PXDN: variants seen among roughly 807,000 people sequenced by gnomAD.
The protein encoded by PXDN is peroxidasin.
A neutral mutation model predicts 140.3 loss-of-function variants in PXDN; 77 were observed. The observed-to-expected ratio is 0.55, with a 90% confidence interval of 0.46 to 0.66. The LOEUF (loss-of-function observed/expected upper bound fraction) is 0.66. PXDN is among the 30% of genes least tolerant of loss of function. The pLI, the probability that PXDN is intolerant of heterozygous loss-of-function variation, is 0.00. For missense variants in PXDN, 1,838 were observed against 2,039.5 expected (o/e 0.90, Z 1.90); for synonymous variants, 911 against 857.4 (o/e 1.06, Z -1.09).
chr2:1,659,851 C>T (rs575284651), intron 14 of PXDN, among the ~76,000 whole-genome samples: 75 of 152,290 alleles, frequency 4.9e-4, no homozygotes, highest in African/African-American at 1.6e-3. Context: ...ACATTTATGT[C>T]TGCCATGTTC....
chr2:1,713,920 G>A (rs1307705672), intron 1 of PXDN, among the ~76,000 whole-genome samples: 1 of 152,200 alleles, frequency 6.6e-6, no homozygotes, highest in African/African-American at 2.4e-5. Context: ...AGGCAGGAAG[G>A]AGCTCCCAGA....
At chr2:1,713,094 A>T (rs996374883) in intron 1 of PXDN, among the ~76,000 whole-genome samples, 1 of 152,124 alleles carries the variant, frequency 6.6e-6, no homozygotes, top group African/African-American at 2.4e-5. Context: ...TGAATGAGTC[A>T]CACAGGTGGC....
At chr2:1,731,771 CA>C (rs778574385) in intron 1 of PXDN, among the ~76,000 whole-genome samples, 9 of 152,150 alleles carry the variant, frequency 5.9e-5, no homozygotes, top group Non-Finnish European at 1.3e-4. Flanking sequence ...AGAACATTTG[CA>C]CGGGGTTTTG....
chr2:1,709,257 G>A, intron 1 of PXDN, among the ~76,000 whole-genome samples: 1 of 152,218 alleles, frequency 6.6e-6, no homozygotes, highest in Non-Finnish European at 1.5e-5. Context: ...GCACCAGCAG[G>A]TGACCACGGC....
At chr2:1,657,085 G>A (rs990212200) in intron 14 of PXDN, among the ~76,000 whole-genome samples, 6 of 149,246 alleles carry the variant, frequency 4.0e-5, no homozygotes, top group South Asian at 2.1e-4. Flanking sequence ...TCCTGGCTGG[G>A]ACCTGCCCCC....
rs1465861257 is a variant in PXDN, at chr2:1,638,754, T to C, written c.4206+92A>G. The C allele has an allele frequency of 1.8e-5, 28 of 1,570,130 alleles. No homozygotes were observed. The East Asian group carries it at 6.1e-4, about 34-fold the overall frequency. On this transcript the variant is annotated intron_variant, in intron 21 of 22. Transcript: ENST00000252804. ...CTGTGTGGGCAGTTGAACAGTTGCC[T>C]GGGAATAAAATGCTATACCCAGAAG...
At chr2:1,656,541 C>T (rs1683137272) in intron 14 of PXDN, among the ~76,000 whole-genome samples, 1 of 150,746 alleles carries the variant, frequency 6.6e-6, no homozygotes, top group South Asian at 2.1e-4. Flanking sequence ...AAAGCTGCCC[C>T]CTCCTGACTG....
At chr2:1,715,890 T>C (rs1170409154) in intron 1 of PXDN, among the ~76,000 whole-genome samples, 1 of 152,078 alleles carries the variant, frequency 6.6e-6, no homozygotes, top group East Asian at 1.9e-4. Flanking sequence ...CAGCAAACAA[T>C]ACAGCCCTCA....
At position 1,633,147 on chromosome 2, in the gene PXDN, C is replaced by T. The variant is rs1682455263; in HGVS notation, c.*1057G>A. On this transcript the variant is annotated 3_prime_UTR_variant, in exon 23 of 23. Transcript: ENST00000252804. ...TAAAACATCACGCATTTTAAAAATA[C>T]AAATGAGGTATAGGGATTCTTTTTT... 6.9e-6 allele frequency: 1 copy of T among 144,956 alleles called. No homozygotes were observed. Among genetic ancestry groups the T allele is most frequent in the Admixed American group, 7.1e-5 (1 of 14,170 alleles). The allele number at this position is 144,956 out of a possible 1,614,324, so 9.0% of individuals were successfully genotyped here.
chr2:1,673,880 C>G lies in PXDN; in HGVS notation c.849-68G>C, dbSNP rs147422518. On this transcript the variant is annotated intron_variant, in intron 8 of 22. Transcript: ENST00000252804. ...AAAGACGTACCTCACCCATCCCCAG[C>G]ACAGGGGTTTCCAGCCCTGCAGCAG... 570 of 1,546,122 alleles carry G rather than the reference C, an allele frequency of 3.7e-4. 3 individuals are homozygous for G. The African/African-American group carries it at 7.1e-3, about 19-fold the overall frequency.
chr2:1,677,334 C>G (rs889769122), intron 7 of PXDN, among the ~76,000 whole-genome samples: 1 of 152,214 alleles, frequency 6.6e-6, no homozygotes, highest in Non-Finnish European at 1.5e-5. Flanking sequence ...GGCGTCCCCT[C>G]GAGGCCCTCT....
chr2:1,653,487 T>C, intron 16 of PXDN, 141 bp downstream of exon 16: 1 of 1,260,356 alleles, frequency 7.9e-7, no homozygotes, highest in Non-Finnish European at 1.1e-6. Flanking sequence ...GGAATCACAG[T>C]TTAAGGAAAT....
rs187231589 is a variant in PXDN, at chr2:1,742,599, G to A, written c.200+1657C>T. Among the ~76,000 whole-genome samples the A allele has an allele frequency of 8.5e-5, 13 of 152,346 alleles. No individual in the cohort carries two copies. The East Asian group carries it at 2.5e-3, about 29-fold the overall frequency. ...GGGCAAAACATACCGCAAGCTTTAT[G>A]AAACTGACCAGATGGGAAAAATCTT... On this transcript the variant is annotated intron_variant, in intron 1 of 22. Coordinates refer to ENST00000252804, the MANE Select transcript of PXDN (RefSeq NM_012293.3).
In PXDN at chr2:1,649,638, C is replaced by T. The variant is rs1682967210; in HGVS notation, c.2142G>A (p.Leu714=). The T allele has an allele frequency of 1.2e-6, 2 of 1,613,964 alleles. No homozygotes were observed. The highest frequency in any genetic ancestry group is 4.5e-5 in the East Asian group (2 of 44,862). ...HYNDLVSPQY[L]NLIANLSGCT... ...AGCCCGACAGGTTTGCGATGAGGTT[C>T]AGGTACTGTGGAGACACCAGGTCGT... Residue 714 remains leucine (L), a synonymous_variant, in exon 17 of 23, where the codon CTG becomes CTA. Transcript: ENST00000252804. The surrounding 1 kb of genome is among the most constrained non-coding windows in gnomAD (Gnocchi z 7.1).
chr2:1,742,440 A>G (rs1473656498), intron 1 of PXDN, among the ~76,000 whole-genome samples: 1 of 152,120 alleles, frequency 6.6e-6, no homozygotes, highest in Non-Finnish European at 1.5e-5. Flanking sequence ...TCACCCGTCT[A>G]CTCTCAGCTC....
intron 1 of PXDN, among the ~76,000 whole-genome samples, chr2:1,715,921 G>A (rs907097801): frequency 1.3e-5 from 2 of 152,210 alleles, no homozygotes; most frequent in African/African-American, 4.8e-5. Flanking sequence ...CAATGTGTGC[G>A]TATGACACAG....
intron 1 of PXDN, among the ~76,000 whole-genome samples, chr2:1,695,170 C>T (rs6755226): frequency 0.036 from 5,445 of 152,272 alleles, 326 homozygotes; most frequent in African/African-American, 0.12. Context: ...GGACTTGGCT[C>T]CTGGAGCCTG....
chr2:1,684,425 G>A (rs1356556005), intron 4 of PXDN, among the ~76,000 whole-genome samples: 5 of 152,170 alleles, frequency 3.3e-5, no homozygotes, highest in Non-Finnish European at 5.9e-5. Flanking sequence ...CGTGAGAAGG[G>A]CAGTGCTGGC....
At chr2:1,709,167 G>C (rs779222810) in intron 1 of PXDN, among the ~76,000 whole-genome samples, 1 of 152,196 alleles carries the variant, frequency 6.6e-6, no homozygotes, top group African/African-American at 2.4e-5. Flanking sequence ...TGGTACTAGC[G>C]ACACATCTGC....
Sources: allele counts gnomAD v4.1 joint callset (sites outside exome capture counted in the v4.1 genomes callset), GRCh38; gene constraint gnomAD v4.1.1; non-coding constraint Gnocchi (gnomAD v3.1); transcripts MANE v1.5; gene names NCBI Gene and HGNC (gene_info 2026-07-23, HGNC 2026-07-21).